The following MARCHF1 variants were observed in gnomAD, a reference collection of about 807,000 sequenced individuals.
MARCHF1 encodes membrane associated ring-CH-type finger 1.
In MARCHF1, 40 loss-of-function variants were observed where a neutral mutation model predicts 54.2. That is an observed-to-expected ratio of 0.74 (90% CI 0.57 to 0.96). The LOEUF (loss-of-function observed/expected upper bound fraction) is 0.96, where lower values mean the gene tolerates loss of function less well. Ranked by LOEUF, MARCHF1 falls within the 40% of genes least tolerant of loss-of-function variation. The pLI is 0.00. For synonymous variants in MARCHF1, 236 were observed against 236.3 expected (o/e 1.00, Z 0.01); for missense variants, 586 against 656.5 (o/e 0.89, Z 1.17).
intron 4 of MARCHF1, among the ~76,000 whole-genome samples, chr4:163,810,238 C>G (rs907662366): frequency 6.6e-6 from 1 of 152,170 alleles, no homozygotes; most frequent in African/African-American, 2.4e-5. Flanking sequence ...TGCCTACACT[C>G]TGGTCTGATT....
At chr4:163,929,934 TA>T (rs1450103766) in intron 3 of MARCHF1, among the ~76,000 whole-genome samples, 4 of 49,806 alleles carry the variant, frequency 8.0e-5, no homozygotes, top group Non-Finnish European at 1.6e-4. Flanking sequence ...TATAATATAT[TA>T]TATATTTATA....
At chr4:163,639,037 G>A (rs539886240) in intron 5 of MARCHF1, among the ~76,000 whole-genome samples, 1 of 152,188 alleles carries the variant, frequency 6.6e-6, no homozygotes, top group East Asian at 1.9e-4. Flanking sequence ...GGAGGGCAGT[G>A]GGGGATGGGG....
intron 8 of MARCHF1, among the ~76,000 whole-genome samples, chr4:163,566,707 G>A (rs978941300): frequency 6.6e-6 from 1 of 152,150 alleles, no homozygotes; most frequent in Admixed American, 6.6e-5. Flanking sequence ...GTGGATGAAT[G>A]AAAGCCTTGT....
chr4:164,332,904 G>C (rs887754601), intron 1 of MARCHF1, among the ~76,000 whole-genome samples: 7 of 152,132 alleles, frequency 4.6e-5, no homozygotes, highest in African/African-American at 1.7e-4. Context: ...ATAGTATAAT[G>C]AAAGTATATA....
At chr4:163,696,056 T>TC (rs1744618973) in intron 5 of MARCHF1, among the ~76,000 whole-genome samples, 1 of 152,012 alleles carries the variant, frequency 6.6e-6, no homozygotes, top group Non-Finnish European at 1.5e-5. Flanking sequence ...CTGTAACGTA[T>TC]CCAAGGCACA....
In MARCHF1 at chr4:164,039,282, C is replaced by A. The variant is rs146582922; in HGVS notation, c.-247-50573G>T. Among the ~76,000 whole-genome samples, 492 of 152,288 alleles carry A rather than the reference C, an allele frequency of 3.2e-3. 2 individuals carry two copies. The highest frequency in any genetic ancestry group is 0.011 in the African/African-American group (469 of 41,576). On this transcript the variant is annotated intron_variant, in intron 2 of 9. Transcript: ENST00000514618. The stretch of plus-strand genomic sequence containing the variant: ...TAGGAACCACAGGCTTGGTGTAGAA[C>A]TTGACACTCCTTATGGAACTGCTTG...
chr4:163,671,312 G>A (rs934649354), intron 5 of MARCHF1, among the ~76,000 whole-genome samples: 2 of 152,170 alleles, frequency 1.3e-5, no homozygotes, highest in Non-Finnish European at 2.9e-5. Context: ...GGCTGAGATG[G>A]ACTAAGTTGA....
At chr4:164,181,377 G>T (rs573951771) in intron 1 of MARCHF1, among the ~76,000 whole-genome samples, 1 of 151,950 alleles carries the variant, frequency 6.6e-6, no homozygotes, top group South Asian at 2.1e-4. Context: ...ACACACAAGC[G>T]CATTATATTT....
At chr4:164,333,511 T>C (rs147606127) in intron 1 of MARCHF1, among the ~76,000 whole-genome samples, 305 of 152,342 alleles carry the variant, frequency 2.0e-3, no homozygotes, top group Non-Finnish European at 3.6e-3. Flanking sequence ...GATGTAATAA[T>C]TGTAGTCATT....
rs1434243047 is a variant in MARCHF1 at position 163,793,432 on chromosome 4, T to C, written c.111+60589A>G. ...AGGAAGGATTTCTCCAATTGTGAGA[T>C]TTTCCTTACCCTCCCTTGAAACACT... is the stretch of plus-strand genomic sequence containing the variant. On this transcript the variant is annotated intron_variant, in intron 4 of 9. Transcript: ENST00000514618. Among the ~76,000 whole-genome samples, 5 of 152,240 alleles carry C rather than the reference T, an allele frequency of 3.3e-5. No homozygotes were observed. The East Asian group carries it at 5.8e-4, about 18-fold the overall frequency.
At chr4:163,918,440 G>A (rs553490851) in intron 3 of MARCHF1, among the ~76,000 whole-genome samples, 1 of 152,184 alleles carries the variant, frequency 6.6e-6, no homozygotes, top group Non-Finnish European at 1.5e-5. Flanking sequence ...GAAATATATG[G>A]AGGCATTTCC....
At chr4:164,358,201 G>C (rs1405881140) in intron 1 of MARCHF1, among the ~76,000 whole-genome samples, 1 of 152,126 alleles carries the variant, frequency 6.6e-6, no homozygotes, top group African/African-American at 2.4e-5. Flanking sequence ...TTGCTTCTCA[G>C]ACTGACCCCA....
intron 2 of MARCHF1, among the ~76,000 whole-genome samples, chr4:164,093,235 A>C (rs1021762999): frequency 2.6e-5 from 4 of 152,102 alleles, no homozygotes; most frequent in African/African-American, 4.8e-5. Context: ...CAGTAGACCC[A>C]ATTGGACTAT....
intron 5 of MARCHF1, among the ~76,000 whole-genome samples, chr4:163,644,376 A>T (rs1742673613): frequency 6.6e-6 from 1 of 152,168 alleles, no homozygotes; most frequent in African/African-American, 2.4e-5. Context: ...AGATTTACCT[A>T]AAGTGAGACA....
intron 1 of MARCHF1, among the ~76,000 whole-genome samples, chr4:164,375,828 C>A (rs1386189404): frequency 4.6e-5 from 7 of 152,160 alleles, no homozygotes; most frequent in African/African-American, 1.7e-4. Flanking sequence ...ACCTTGAGCA[C>A]ACTTCATTTC....
At chr4:163,959,441 A>G (rs1455405498) in intron 3 of MARCHF1, among the ~76,000 whole-genome samples, 1 of 152,056 alleles carries the variant, frequency 6.6e-6, no homozygotes, top group Admixed American at 6.6e-5. Flanking sequence ...TAACCAAGAC[A>G]GCATGGTATT....
intron 1 of MARCHF1, among the ~76,000 whole-genome samples, chr4:164,288,312 A>T (rs1241843046): frequency 6.6e-6 from 1 of 152,190 alleles, no homozygotes; most frequent in Admixed American, 6.5e-5. Context: ...TCTTGAAATT[A>T]ATATTCTTAT....
intron 3 of MARCHF1, among the ~76,000 whole-genome samples, chr4:163,934,361 C>A (rs1351257155): frequency 6.6e-6 from 1 of 151,814 alleles, no homozygotes; most frequent in Non-Finnish European, 1.5e-5. Flanking sequence ...TAGTTTCAGA[C>A]AAACCTGGGC....
At chr4:163,914,251 T>C (rs1751258371) in intron 3 of MARCHF1, among the ~76,000 whole-genome samples, 1 of 152,154 alleles carries the variant, frequency 6.6e-6, no homozygotes, top group Non-Finnish European at 1.5e-5. Flanking sequence ...TAGAGGTTTA[T>C]ATACATTTAA....
Sources: gnomAD v4.1 joint callset for allele counts (sites outside exome capture counted in the v4.1 genomes callset) on GRCh38, gnomAD v4.1.1 for gene constraint, MANE v1.5 for transcripts, NCBI Gene and HGNC (gene_info 2026-07-23, HGNC 2026-07-21) for gene names.